GUCY1A2: variants seen among roughly 807,000 people sequenced by gnomAD.
GUCY1A2 encodes the protein guanylate cyclase 1 soluble subunit alpha 2, also known as guanylate cyclase soluble subunit alpha-2.
Under a neutral mutation model 63.5 loss-of-function variants are expected in GUCY1A2, and 27 were observed. The observed-to-expected ratio is 0.43, with a 90% confidence interval of 0.31 to 0.59. GUCY1A2 has a LOEUF of 0.59. Among genes scored for constraint, GUCY1A2 ranks in the 20% least tolerant of loss-of-function variants. The probability of loss-of-function intolerance (pLI) is 0.11; values close to 1 mark genes in which losing one functional copy is unlikely to be tolerated. For synonymous variants in GUCY1A2, 364 were observed against 343.5 expected (o/e 1.06, Z -0.66); for missense variants, 768 against 913.3 (o/e 0.84, Z 2.05).
intron 1 of GUCY1A2, among the ~76,000 whole-genome samples, chr11:106,988,132 G>A (rs1423950242): frequency 1.3e-5 from 2 of 152,182 alleles, no homozygotes; most frequent in Admixed American, 6.5e-5. Flanking sequence ...TGAACGAAGA[G>A]GCAATGGAAT....
At chr11:106,808,291 A>T (rs1858719005) in intron 5 of GUCY1A2, among the ~76,000 whole-genome samples, 1 of 152,090 alleles carries the variant, frequency 6.6e-6, no homozygotes, top group Admixed American at 6.6e-5. Flanking sequence ...TATTTATATA[A>T]ACATTTTGTA....
chr11:107,013,159 T>C (rs1211382315), intron 1 of GUCY1A2, among the ~76,000 whole-genome samples: 1 of 152,204 alleles, frequency 6.6e-6, no homozygotes, highest in African/African-American at 2.4e-5. Flanking sequence ...CACAGGTCAG[T>C]AGCTCTCCTC....
chr11:106,814,348 C>G (rs1388033140), intron 4 of GUCY1A2, among the ~76,000 whole-genome samples: 5 of 152,010 alleles, frequency 3.3e-5, no homozygotes, highest in African/African-American at 1.2e-4. Context: ...AAAGGGGCTT[C>G]CAGAAGGGCC....
At chr11:106,898,933 G>A (rs551505998) in intron 4 of GUCY1A2, among the ~76,000 whole-genome samples, 25 of 152,224 alleles carry the variant, frequency 1.6e-4, no homozygotes, top group African/African-American at 6.0e-4. Flanking sequence ...ATAATAGAAG[G>A]CTATGCCTGT....
chr11:106,822,060 C>T (rs1351055478), intron 4 of GUCY1A2, among the ~76,000 whole-genome samples: 1 of 152,136 alleles, frequency 6.6e-6, no homozygotes, highest in African/African-American at 2.4e-5. Context: ...CCCACTGTTA[C>T]ATACTGAGAA....
intron 4 of GUCY1A2, among the ~76,000 whole-genome samples, chr11:106,899,708 G>A (rs1860101783): frequency 6.6e-6 from 1 of 152,074 alleles, no homozygotes; most frequent in African/African-American, 2.4e-5. Context: ...CTTCATCCCA[G>A]AAAAAGAATC....
At chr11:106,919,283 A>G (rs758940637) in intron 4 of GUCY1A2, among the ~76,000 whole-genome samples, 13 of 152,176 alleles carry the variant, frequency 8.5e-5, no homozygotes, top group Non-Finnish European at 1.8e-4. Context: ...TTTAAGATGA[A>G]TAAGTTCTAA....
At chr11:106,844,868 GCTTTTGCCTATGATT>G (rs1197774618) in intron 4 of GUCY1A2, among the ~76,000 whole-genome samples, 1 of 151,588 alleles carries the variant, frequency 6.6e-6, no homozygotes, top group African/African-American at 2.4e-5. Context: ...TCACAGGAAA[GCTTTTGCCTATGATT>G]CTCACAAATT....
intron 5 of GUCY1A2, among the ~76,000 whole-genome samples, chr11:106,807,168 TC>T (rs1332083173): frequency 6.6e-6 from 1 of 152,190 alleles, no homozygotes; most frequent in Non-Finnish European, 1.5e-5. Context: ...ATACATACTT[TC>T]AATCTAGCAA....
At chr11:106,796,079 T>G (rs908434055) in intron 5 of GUCY1A2, among the ~76,000 whole-genome samples, 3 of 152,182 alleles carry the variant, frequency 2.0e-5, no homozygotes, top group Admixed American at 2.0e-4. Context: ...TCTTTGTCTC[T>G]TTTGATCTTT....
Position 106,683,631 on chromosome 11 carries a change from C to A in GUCY1A2, c.*3918G>T, listed in dbSNP as rs141683113. The stretch of plus-strand genomic sequence containing the variant: ...AAGAGAGAATGCTGTTTGCTGTGGC[C>A]AGGCGTGAGGGGGTGAGATGGTTTC... On this transcript the variant is annotated 3_prime_UTR_variant, in exon 8 of 8. Transcript: ENST00000526355. 4.8e-4 allele frequency: 110 copies of A among 227,328 alleles called. No individual in the cohort carries two copies. Among genetic ancestry groups the A allele is most frequent in the African/African-American group, 2.3e-3 (102 of 45,072 alleles). The allele number at this position is 227,328 out of a possible 1,614,324, so 14.1% of individuals were successfully genotyped here.
chr11:106,828,988 G>A (rs1376310183), intron 4 of GUCY1A2, among the ~76,000 whole-genome samples: 2 of 152,100 alleles, frequency 1.3e-5, no homozygotes, highest in Non-Finnish European at 2.9e-5. Flanking sequence ...ATTTTCAGTC[G>A]CACTGCTATA....
At chr11:106,850,777 A>C (rs1335996596) in intron 4 of GUCY1A2, among the ~76,000 whole-genome samples, 1 of 151,888 alleles carries the variant, frequency 6.6e-6, no homozygotes, top group African/African-American at 2.4e-5. Flanking sequence ...TATATTAGCT[A>C]TTGTAAATCG....
intron 4 of GUCY1A2, among the ~76,000 whole-genome samples, chr11:106,829,836 G>T (rs1859026712): frequency 1.3e-5 from 2 of 152,134 alleles, no homozygotes; most frequent in Admixed American, 1.3e-4. Context: ...CGTGATTAAG[G>T]TCAATGGGAA....
chr11:106,960,686 TTTAAGTTCTTAAA>T (rs1481938749), intron 3 of GUCY1A2, among the ~76,000 whole-genome samples: 3 of 152,192 alleles, frequency 2.0e-5, no homozygotes, highest in Non-Finnish European at 4.4e-5. Context: ...AGCCTTTGGT[TTTAAGTTCTTAAA>T]TCATCACCAT....
intron 4 of GUCY1A2, among the ~76,000 whole-genome samples, chr11:106,811,543 A>T (rs1365423059): frequency 1.3e-5 from 2 of 152,138 alleles, no homozygotes; most frequent in Non-Finnish European, 2.9e-5. Context: ...ATAGCTAAAT[A>T]GTTAAGCTAG....
chr11:106,982,592 T>C (rs1565350607), intron 2 of GUCY1A2, among the ~76,000 whole-genome samples: 1 of 152,234 alleles, frequency 6.6e-6, no homozygotes, highest in East Asian at 1.9e-4. Context: ...AGGTAGGTGA[T>C]GGAGAGATAC....
intron 5 of GUCY1A2, among the ~76,000 whole-genome samples, chr11:106,792,086 C>T (rs1864672831): frequency 6.6e-6 from 1 of 152,058 alleles, no homozygotes; most frequent in Admixed American, 6.6e-5. Context: ...AGCAACAAAT[C>T]AAAAAGCTTA....
chr11:106,871,534 C>T (rs933667696), intron 4 of GUCY1A2, among the ~76,000 whole-genome samples: 1 of 152,110 alleles, frequency 6.6e-6, no homozygotes, highest in Non-Finnish European at 1.5e-5. Flanking sequence ...ACCATGGTCA[C>T]AAGGAATTCT....
Sources: gnomAD v4.1 joint callset for allele counts (sites outside exome capture counted in the v4.1 genomes callset) on GRCh38, gnomAD v4.1.1 for gene constraint, MANE v1.5 for transcripts, NCBI Gene and HGNC (gene_info 2026-07-23, HGNC 2026-07-21) for gene names.